PPP4R3A: variants seen among roughly 807,000 people sequenced by gnomAD.
PPP4R3A encodes the protein protein phosphatase 4 regulatory subunit 3A.
In PPP4R3A, 15 loss-of-function variants were observed where a neutral mutation model predicts 91.7. That is an observed-to-expected ratio of 0.16 (90% CI 0.11 to 0.25). The LOEUF is 0.25. Among genes scored for constraint, PPP4R3A ranks in the 10% least tolerant of loss-of-function variants. The pLI is 1.00. For missense variants in PPP4R3A, 623 were observed against 998.4 expected (o/e 0.62, Z 5.07); for synonymous variants, 377 against 348.7 (o/e 1.08, Z -0.91).
intron 14 of PPP4R3A, among the ~76,000 whole-genome samples, chr14:91,459,365 C>CA (rs1473902343): frequency 6.6e-6 from 1 of 152,096 alleles, no homozygotes; most frequent in African/African-American, 2.4e-5. Context: ...CTTGGACTCC[C>CA]AAAGTGCTGG....
At chr14:91,510,480 G>A (rs1891739740), upstream of PPP4R3A, 1 of 152,306 alleles carries the variant, frequency 6.6e-6, no homozygotes, top group Non-Finnish European at 1.5e-5. Flanking sequence ...GCGGGACGCA[G>A]ATTGCGCCGG....
chr14:91,481,999 T>C lies in PPP4R3A; in HGVS notation c.492A>G (p.Leu164=). Residue 164 remains leucine (L), a synonymous_variant, in exon 4 of 15, where the codon CTA becomes CTG. Coordinates refer to ENST00000554943, the MANE Select transcript of PPP4R3A (RefSeq NM_001366432.2). ...PLRREKLALA[L]ENEGYIKKLL... is the part of the protein sequence containing the mutation. The stretch of plus-strand genomic sequence containing the variant: ...GCTTTTTAATATAACCCTCATTTTC[T>C]AGTGCCAGTGCAAGTTTTTCACGAC... 6.2e-7 allele frequency: 1 copy of C among 1,614,130 alleles called. No homozygotes were observed. The highest frequency in any genetic ancestry group is 8.5e-7 in the Non-Finnish European group (1 of 1,180,026).
intron 1 of PPP4R3A, among the ~76,000 whole-genome samples, chr14:91,496,257 T>C (rs1566651318): frequency 6.6e-6 from 1 of 152,206 alleles, no homozygotes; most frequent in South Asian, 2.1e-4. Flanking sequence ...ATTCATCAAA[T>C]TGAATACTTA....
chr14:91,504,635 G>T (rs1006443747), intron 1 of PPP4R3A, among the ~76,000 whole-genome samples: 11 of 151,944 alleles, frequency 7.2e-5, no homozygotes, highest in African/African-American at 2.4e-4. Context: ...AAACAAAAGG[G>T]ACGTGTTCTT....
chr14:91,500,270 G>A (rs1392936967), intron 1 of PPP4R3A, among the ~76,000 whole-genome samples: 2 of 151,934 alleles, frequency 1.3e-5, no homozygotes, highest in East Asian at 3.9e-4. Context: ...GCACGATCTC[G>A]GCTCACTGCA....
At chr14:91,465,547 G>T in intron 10 of PPP4R3A, 128 bp from the exon 11 acceptor site, 1 of 752,358 alleles carries the variant, frequency 1.3e-6, no homozygotes, top group Non-Finnish European at 2.0e-6. Flanking sequence ...TATGATGTTT[G>T]CACTTCCGGA....
chr14:91,466,966 C>CT (rs1265758040), intron 10 of PPP4R3A, among the ~76,000 whole-genome samples: 2 of 152,122 alleles, frequency 1.3e-5, no homozygotes, highest in African/African-American at 4.8e-5. Flanking sequence ...CACACACACC[C>CT]CTCTTGTCTG....
At chr14:91,504,134 A>C (rs1024629349) in intron 1 of PPP4R3A, among the ~76,000 whole-genome samples, 7 of 151,268 alleles carry the variant, frequency 4.6e-5, no homozygotes, top group African/African-American at 1.7e-4. Flanking sequence ...CTGGGCGACA[A>C]AGTAAGACCC....
At chr14:91,507,194 G>A (rs2140174117) in intron 1 of PPP4R3A, among the ~76,000 whole-genome samples, 1 of 151,508 alleles carries the variant, frequency 6.6e-6, no homozygotes, top group Middle Eastern at 3.4e-3. Flanking sequence ...AGTGGCACAT[G>A]CCCATAGTCC....
intron 9 of PPP4R3A, among the ~76,000 whole-genome samples, chr14:91,471,604 G>A (rs1411689549): frequency 6.6e-6 from 1 of 152,086 alleles, no homozygotes; most frequent in Non-Finnish European, 1.5e-5. Flanking sequence ...TCTTAATAAA[G>A]GTTGGAGGAA....
chr14:91,508,276 C>A (rs888948520), intron 1 of PPP4R3A, among the ~76,000 whole-genome samples: 6 of 152,162 alleles, frequency 3.9e-5, no homozygotes, highest in Non-Finnish European at 8.8e-5. Flanking sequence ...GCAATATACT[C>A]CAGATTACCA....
rs940331737 is a variant in PPP4R3A, at chr14:91,466,935, A to G, written c.1661-1516T>C. On this transcript the variant is annotated intron_variant, in intron 10 of 14. Transcript: ENST00000554943. ...CGGGCTTTGTGGAGACTTGTGTCCT[A>G]CCATAACACACACACACACACACAC... Among the ~76,000 whole-genome samples, 10 of 124,704 alleles carry G rather than the reference A, an allele frequency of 8.0e-5. No homozygotes were observed. In the South Asian group the frequency reaches 1.9e-3, roughly 24 times the overall value. 81.8% of individuals were successfully genotyped at this position (124,704 alleles called of 152,430 possible). A position where few individuals can be genotyped will look rare whatever the true frequency, so the allele number is the denominator to read the frequency against.
intron 9 of PPP4R3A, 90 bp from the exon 10 acceptor site, chr14:91,471,085 C>A (rs1227555899): frequency 3.1e-5 from 39 of 1,263,308 alleles, no homozygotes; most frequent in Non-Finnish European, 4.2e-5. Flanking sequence ...CAAGTAAAAT[C>A]TCTTCTATTA....
intron 1 of PPP4R3A, among the ~76,000 whole-genome samples, chr14:91,508,429 A>G (rs993062243): frequency 2.0e-5 from 3 of 152,234 alleles, no homozygotes; most frequent in Non-Finnish European, 2.9e-5. Flanking sequence ...TAATTCAGAT[A>G]CAGAATCGCT....
At chr14:91,466,519 G>GTA (rs1888476464) in intron 10 of PPP4R3A, 5 of 772,768 alleles carry the variant, frequency 6.5e-6, no homozygotes, top group Non-Finnish European at 7.9e-6. Flanking sequence ...ATTATTAACT[G>GTA]CCTTAACAAT....
chr14:91,507,434 A>ATTGTATATACTATAG (rs1407544194), intron 1 of PPP4R3A, among the ~76,000 whole-genome samples: 1 of 81,108 alleles, frequency 1.2e-5, no homozygotes, highest in Non-Finnish European at 2.1e-5. Context: ...ATATACTATA[A>ATTGTATATACTATAG]TTATATATAC....
At chr14:91,472,065 C>CAAAAAA (rs549919322) in intron 9 of PPP4R3A, among the ~76,000 whole-genome samples, 1 of 70,288 alleles carries the variant, frequency 1.4e-5, no homozygotes, top group African/African-American at 5.6e-5. Flanking sequence ...ATTCTGTCTC[C>CAAAAAA]AAAAAAAAAA....
chr14:91,470,718 G>C, intron 10 of PPP4R3A, 119 bp downstream of exon 10: 24 of 1,112,424 alleles, frequency 2.2e-5, no homozygotes, highest in Non-Finnish European at 3.1e-5. Context: ...CAGTGGCAGA[G>C]CTAGTATTAC....
intron 10 of PPP4R3A, among the ~76,000 whole-genome samples, chr14:91,466,720 G>A (rs1029184307): frequency 6.6e-6 from 1 of 151,948 alleles, no homozygotes; most frequent in Non-Finnish European, 1.5e-5. Flanking sequence ...CCTAACAAGG[G>A]TTTATTTTCC....
Sources: gnomAD v4.1 joint callset for allele counts (sites outside exome capture counted in the v4.1 genomes callset) on GRCh38, gnomAD v4.1.1 for gene constraint, MANE v1.5 for transcripts, NCBI Gene and HGNC (gene_info 2026-07-23, HGNC 2026-07-21) for gene names.